The following UGGT1 variants were observed in gnomAD, a reference collection of about 807,000 sequenced individuals.
UGGT1 encodes the protein UDP-glucose:glycoprotein glucosyltransferase 1.
UGGT1 carries 107 observed loss-of-function variants against 203.9 expected under a neutral mutation model. The observed-to-expected ratio is 0.52, with a 90% CI of 0.45 to 0.62. The LOEUF (loss-of-function observed/expected upper bound fraction) is 0.62, where lower values mean the gene tolerates loss of function less well. Among genes scored for constraint, UGGT1 ranks in the 20% least tolerant of loss-of-function variants. The pLI is 0.00. For synonymous variants in UGGT1, 628 were observed against 653.5 expected, an observed-to-expected ratio of 0.96 and a Z score of 0.59; for missense variants, 1,673 against 1,867.2, an observed-to-expected ratio of 0.90 and a Z score of 1.92.
chr2:128,164,946 ATTTG>A (rs1363637766), intron 26 of UGGT1, 121 bp downstream of exon 26: 2 of 722,802 alleles, frequency 2.8e-6, no homozygotes, highest in East Asian at 3.2e-5. Context: ...GGAATTGAAC[ATTTG>A]TTTGGTGTGC....
Position 128,132,134 on chromosome 2 carries a change from T to G in UGGT1, c.1378-1007T>G, listed in dbSNP as rs143265976. Among the ~76,000 whole-genome samples, 788 of 152,286 alleles carry G rather than the reference T, an allele frequency of 5.2e-3. 3 individuals are homozygous for G. The highest frequency in any genetic ancestry group is 8.4e-3 in the Non-Finnish European group (574 of 68,008). On this transcript the variant is annotated intron_variant, in intron 13 of 40. Coordinates refer to ENST00000259253, the MANE Select transcript of UGGT1 (RefSeq NM_020120.4). The stretch of plus-strand genomic sequence containing the variant: ...GAGGTCTTAGCTCATAGTTCCTAGA[T>G]TACAATTGAGGGTGTACACATTTCT...
At chr2:128,125,579 G>A (rs1374585739) in intron 11 of UGGT1, among the ~76,000 whole-genome samples, 1 of 151,932 alleles carries the variant, frequency 6.6e-6, no homozygotes, top group East Asian at 1.9e-4. Flanking sequence ...TGTTCTCTTT[G>A]TCTTTGTGGA....
intron 16 of UGGT1, among the ~76,000 whole-genome samples, chr2:128,140,699 G>A (rs1191887539): frequency 1.3e-5 from 2 of 152,046 alleles, no homozygotes; most frequent in Non-Finnish European, 2.9e-5. Flanking sequence ...TTTTTTTAGA[G>A]ACAGGATCTC....
chr2:128,168,423 T>C (rs1202275083), intron 26 of UGGT1, among the ~76,000 whole-genome samples: 1 of 152,238 alleles, frequency 6.6e-6, no homozygotes, highest in Non-Finnish European at 1.5e-5. Flanking sequence ...AGATGTGAAG[T>C]AACCTCCATG....
chr2:128,157,423 A>T, intron 22 of UGGT1, 77 bp downstream of exon 22: 1 of 1,215,340 alleles, frequency 8.2e-7, no homozygotes, highest in South Asian at 1.3e-5. Flanking sequence ...TGCGGCTAGG[A>T]TTGTTCAGTG....
At chr2:128,127,516 C>A in intron 12 of UGGT1, 64 bp downstream of exon 12, 2 of 1,228,064 alleles carry the variant, frequency 1.6e-6, no homozygotes, top group South Asian at 1.3e-5. Context: ...GTAACATGTT[C>A]ATATTGCCGT....
chr2:128,091,357 C>G lies in UGGT1; in HGVS notation c.-1C>G, dbSNP rs1448265036. On this transcript the variant is annotated 5_prime_UTR_variant, in exon 1 of 41. Coordinates refer to ENST00000259253, the MANE Select transcript of UGGT1 (RefSeq NM_020120.4). ...TGTGGCGGACTGACCACGGCCCGGG[C>G]ATGGGCTGCAAGGGAGACGCGAGCG... 6.4e-7 allele frequency: 1 copy of G among 1,563,284 alleles called. No individual in the cohort carries two copies. The highest frequency in any genetic ancestry group is 2.4e-5 in the East Asian group (1 of 41,990).
At chr2:128,116,403 C>G in intron 8 of UGGT1, 60 bp downstream of exon 8, 1 of 1,116,196 alleles carries the variant, frequency 9.0e-7, no homozygotes, top group East Asian at 2.4e-5. Context: ...TCCAGGCTTT[C>G]TTGCATTTTA....
intron 27 of UGGT1, 41 bp downstream of exon 27, chr2:128,170,431 A>T: frequency 6.4e-7 from 1 of 1,555,700 alleles, no homozygotes; most frequent in Non-Finnish European, 8.9e-7. Context: ...CCTTTGTTTG[A>T]AGTTGTCACA....
At position 128,115,199 on chromosome 2, in the gene UGGT1, A is replaced by C; in HGVS notation, c.772A>C (p.Lys258Gln). ...CATTAAGAGCACTGAGTACAAGGCC[A>C]AGGATGATACTCAGGTGAAAGGTGA... ...LAIKSTEYKA[K>Q]DDTQVKGTEV... is the part of the protein sequence containing the mutation. Residue 258 changes from lysine (K) to glutamine (Q), a missense_variant, in exon 7 of 41, where the codon AAG becomes CAG. Coordinates refer to ENST00000259253, the MANE Select transcript of UGGT1 (RefSeq NM_020120.4). The C allele has an allele frequency of 6.2e-7, 1 of 1,613,974 alleles. No individual in the cohort carries two copies. Among genetic ancestry groups the C allele is most frequent in the Non-Finnish European group, 8.5e-7 (1 of 1,179,886 alleles).
At chr2:128,130,097 C>T (rs527458478) in intron 13 of UGGT1, among the ~76,000 whole-genome samples, 61 of 152,068 alleles carry the variant, frequency 4.0e-4, no homozygotes, top group African/African-American at 1.3e-3. Context: ...CCCGTCTGTA[C>T]TCAAAATACA....
intron 18 of UGGT1, among the ~76,000 whole-genome samples, chr2:128,146,234 C>T (rs189383752): frequency 1.7e-3 from 259 of 152,004 alleles, no homozygotes; most frequent in Admixed American, 3.7e-3. Flanking sequence ...TCGCTTGAGC[C>T]CAGGAGTTTA....
At chr2:128,176,670 G>A (rs1435243448) in intron 31 of UGGT1, 144 bp from the exon 32 acceptor site, 2 of 764,410 alleles carry the variant, frequency 2.6e-6, no homozygotes, top group Non-Finnish European at 4.4e-6. Flanking sequence ...CTTCTGTGCA[G>A]CTCGAAGGAG....
intron 31 of UGGT1, 23 bp from the exon 32 acceptor site, chr2:128,176,791 T>C (rs766109597): frequency 1.2e-6 from 2 of 1,607,468 alleles, no homozygotes; most frequent in Non-Finnish European, 1.7e-6. Context: ...CCTTGTAATA[T>C]TGATCTTTCT....
intron 10 of UGGT1, among the ~76,000 whole-genome samples, chr2:128,122,375 A>G (rs968127912): frequency 6.6e-6 from 1 of 152,048 alleles, no homozygotes; most frequent in Non-Finnish European, 1.5e-5. Context: ...TCTACTGAAT[A>G]TACAAAAAAT....
At chr2:128,128,198 C>T (rs1331058396) in intron 12 of UGGT1, among the ~76,000 whole-genome samples, 3 of 152,244 alleles carry the variant, frequency 2.0e-5, no homozygotes, top group Admixed American at 2.0e-4. Context: ...CGATTGTCTT[C>T]ATGATTTTGG....
chr2:128,162,384 G>A (rs1218881939), intron 25 of UGGT1, among the ~76,000 whole-genome samples: 2 of 151,980 alleles, frequency 1.3e-5, no homozygotes, highest in Admixed American at 1.3e-4. Flanking sequence ...AGGTTGCAAT[G>A]AGCTGAGATT....
At chr2:128,120,789 C>T (rs1309398960) in intron 9 of UGGT1, among the ~76,000 whole-genome samples, 1 of 152,140 alleles carries the variant, frequency 6.6e-6, no homozygotes, top group Non-Finnish European at 1.5e-5. Context: ...TAAGACATGT[C>T]ATTGTGGCAG....
At chr2:128,118,827 C>G (rs1466255020) in intron 8 of UGGT1, among the ~76,000 whole-genome samples, 1 of 152,006 alleles carries the variant, frequency 6.6e-6, no homozygotes, top group Admixed American at 6.6e-5. Context: ...AGGTGATCCT[C>G]TCACTTCAGT....
Sources: allele counts gnomAD v4.1 joint callset (sites outside exome capture counted in the v4.1 genomes callset), GRCh38; gene constraint gnomAD v4.1.1; transcripts MANE v1.5; gene names NCBI Gene and HGNC (gene_info 2026-07-23, HGNC 2026-07-21).